Variants in EXOC4 observed in about 807,000 individuals in gnomAD.
EXOC4 encodes the protein SEC8-like 1.
A neutral mutation model predicts 107.2 loss-of-function variants in EXOC4; 71 were observed. The observed-to-expected ratio is 0.66, with a 90% CI of 0.55 to 0.81. The LOEUF (loss-of-function observed/expected upper bound fraction) is 0.81. EXOC4 is among the 30% of genes least tolerant of loss of function. The probability of loss-of-function intolerance (pLI) is 0.00; values close to 1 mark genes in which losing one functional copy is unlikely to be tolerated. For missense variants in EXOC4, 1,108 were observed against 1,189.6 expected (o/e 0.93, Z 1.01); for synonymous variants, 456 against 441.2 (o/e 1.03, Z -0.42).
At chr7:133,851,118 C>T (rs771778389) in intron 11 of EXOC4, among the ~76,000 whole-genome samples, 3 of 152,150 alleles carry the variant, frequency 2.0e-5, no homozygotes, top group Non-Finnish European at 4.4e-5. Flanking sequence ...TCAACAAATA[C>T]TTCTGGAGCC....
At chr7:134,084,426 G>A in the EXOC4 span, among the ~76,000 whole-genome samples, 1 of 152,134 alleles carries the variant, frequency 6.6e-6, no homozygotes, top group Non-Finnish European at 1.5e-5. Flanking sequence ...CCAATTGGTG[G>A]GGCACCATCA....
At chr7:133,420,398 C>T (rs2150757929) in intron 7 of EXOC4, among the ~76,000 whole-genome samples, 1 of 152,096 alleles carries the variant, frequency 6.6e-6, no homozygotes, top group Admixed American at 6.5e-5. Context: ...TTCTAAGCTC[C>T]AGTTGTTGGC....
At chr7:134,024,179 G>A (rs1321508396) in intron 17 of EXOC4, among the ~76,000 whole-genome samples, 3 of 152,178 alleles carry the variant, frequency 2.0e-5, no homozygotes, top group Admixed American at 6.5e-5. Flanking sequence ...GGCCAGATAC[G>A]GTGGCTCTTG....
At chr7:133,689,692 G>C (rs1417014698) in intron 10 of EXOC4, among the ~76,000 whole-genome samples, 1 of 152,232 alleles carries the variant, frequency 6.6e-6, no homozygotes, top group African/African-American at 2.4e-5. Context: ...AACTAACCCA[G>C]TAGGATTGTT....
intron 13 of EXOC4, among the ~76,000 whole-genome samples, chr7:133,923,786 G>A (rs1191930961): frequency 6.6e-6 from 1 of 152,002 alleles, no homozygotes; most frequent in Non-Finnish European, 1.5e-5. Context: ...TATTATTTAT[G>A]GACAAGACAT....
intron 13 of EXOC4, among the ~76,000 whole-genome samples, chr7:133,919,851 G>C (rs1209617729): frequency 6.6e-6 from 1 of 152,158 alleles, no homozygotes; most frequent in Non-Finnish European, 1.5e-5. Context: ...TAAATAATTT[G>C]TGTGCTGGTT....
rs1318859034 is a variant in EXOC4 at position 133,466,330 on chromosome 7, A to G, written c.1183-8998A>G. ...CCAACCAATTAAAAAAGAGAAGTCT[A>G]AAGAATACCAAAAGAGAGAAGTCTA... On this transcript the variant is annotated intron_variant, in intron 7 of 17. Coordinates refer to ENST00000253861, the MANE Select transcript of EXOC4 (RefSeq NM_021807.4). Among the ~76,000 whole-genome samples, 5 of 152,138 alleles carry G rather than the reference A, an allele frequency of 3.3e-5. No homozygotes were observed. The South Asian group carries it at 1.0e-3, about 31-fold the overall frequency.
intron 6 of EXOC4, among the ~76,000 whole-genome samples, chr7:133,366,320 C>G (rs991841164): frequency 3.3e-5 from 5 of 152,090 alleles, no homozygotes; most frequent in African/African-American, 1.2e-4. Flanking sequence ...CTAGGGATCA[C>G]TTGGGGCTGG....
At chr7:133,780,566 T>C (rs768325342) in intron 10 of EXOC4, among the ~76,000 whole-genome samples, 5 of 151,954 alleles carry the variant, frequency 3.3e-5, no homozygotes, top group Non-Finnish European at 5.9e-5. Flanking sequence ...TCACTAGGAG[T>C]CTACAGGAAT....
At chr7:133,946,694 C>T (rs1477418234) in intron 14 of EXOC4, among the ~76,000 whole-genome samples, 1 of 152,180 alleles carries the variant, frequency 6.6e-6, no homozygotes, top group Non-Finnish European at 1.5e-5. Context: ...AATGGAGATG[C>T]TGCTTGTTCT....
At chr7:133,658,630 A>G (rs1299233376) in intron 10 of EXOC4, among the ~76,000 whole-genome samples, 1 of 152,152 alleles carries the variant, frequency 6.6e-6, no homozygotes, top group Non-Finnish European at 1.5e-5. Context: ...TCTTCTACAG[A>G]TTTATTATGA....
chr7:133,969,766 T>C (rs927463517), intron 14 of EXOC4, among the ~76,000 whole-genome samples: 1 of 152,146 alleles, frequency 6.6e-6, no homozygotes, highest in Non-Finnish European at 1.5e-5. Context: ...CTGTATGAGG[T>C]GTCTGTCGAC....
intron 10 of EXOC4, among the ~76,000 whole-genome samples, chr7:133,661,986 C>G (rs1793702505): frequency 6.6e-6 from 1 of 152,118 alleles, no homozygotes; most frequent in African/African-American, 2.4e-5. Flanking sequence ...ATGTGCCAAT[C>G]TCTGTGTTGA....
chr7:133,519,028 A>G (rs1015329695), intron 9 of EXOC4, among the ~76,000 whole-genome samples: 1 of 152,200 alleles, frequency 6.6e-6, no homozygotes, highest in Non-Finnish European at 1.5e-5. Flanking sequence ...AAGTATATTC[A>G]CTGCAACAGT....
rs573029756 is a variant in EXOC4, at chr7:133,317,312, CTGAT to C, written c.690_693del (p.Ile230MetfsTer25). On this transcript the variant is annotated frameshift_variant, in exon 5 of 18. Coordinates refer to ENST00000253861, the MANE Select transcript of EXOC4 (RefSeq NM_021807.4). LOFTEE classifies it high-confidence loss of function. ...CCTCGTGAAAGATGCTTCTGTTCCT[CTGAT>C]TGATGTTACAAACCTCCCTACTCCT... 6.2e-7 allele frequency: 1 copy of C among 1,613,582 alleles called. No homozygotes were observed. The highest frequency in any genetic ancestry group is 8.5e-7 in the Non-Finnish European group (1 of 1,179,502).
intron 17 of EXOC4, among the ~76,000 whole-genome samples, chr7:134,036,576 G>A (rs1795395158): frequency 6.6e-6 from 1 of 152,044 alleles, no homozygotes; most frequent in Non-Finnish European, 1.5e-5. Flanking sequence ...AGAGATAGCA[G>A]GACCCTGTCT....
At chr7:133,830,405 C>G (rs1797784801) in intron 11 of EXOC4, among the ~76,000 whole-genome samples, 3 of 152,254 alleles carry the variant, frequency 2.0e-5, no homozygotes, top group African/African-American at 7.2e-5. Flanking sequence ...GAGGAGTACA[C>G]TTTTCTTCCA....
chr7:133,555,673 T>C (rs758589720), intron 9 of EXOC4, among the ~76,000 whole-genome samples: 1 of 152,198 alleles, frequency 6.6e-6, no homozygotes, highest in Non-Finnish European at 1.5e-5. Flanking sequence ...CATAAGATTG[T>C]TAGCTATTAT....
intron 7 of EXOC4, among the ~76,000 whole-genome samples, chr7:133,452,246 A>G (rs1164346535): frequency 1.3e-5 from 2 of 152,176 alleles, no homozygotes; most frequent in Non-Finnish European, 2.9e-5. Context: ...CATTATTAGT[A>G]AATATCTCAT....
Sources: allele counts gnomAD v4.1 joint callset (sites outside exome capture counted in the v4.1 genomes callset), GRCh38; gene constraint gnomAD v4.1.1; transcripts MANE v1.5; gene names NCBI Gene and HGNC (gene_info 2026-07-23, HGNC 2026-07-21).